Variants in AFF3 observed in about 807,000 individuals in gnomAD.
AFF3 encodes the protein AF4/FMR2 family member 3.
In AFF3, 32 loss-of-function variants were observed where a neutral mutation model predicts 129.7. The ratio of observed to expected loss-of-function variants is 0.25; its 90% CI spans 0.19 to 0.33. AFF3 has a LOEUF of 0.33. Among genes scored for constraint, AFF3 ranks in the 10% least tolerant of loss-of-function variants. The probability of loss-of-function intolerance (pLI) is 1.00; values close to 1 mark genes in which losing one functional copy is unlikely to be tolerated. For missense variants in AFF3, 1,373 were observed against 1,592.0 expected, an observed-to-expected ratio of 0.86 and a Z score of 2.34; for synonymous variants, 644 against 635.4, an observed-to-expected ratio of 1.01 and a Z score of -0.20.
intron 1 of AFF3, among the ~76,000 whole-genome samples, chr2:100,140,599 G>C (rs1692823740): frequency 6.6e-6 from 1 of 152,154 alleles, no homozygotes; most frequent in South Asian, 2.1e-4. Flanking sequence ...AACAAAATGT[G>C]TGTAAAATGC....
chr2:99,996,382 A>AT (rs1252469916), intron 7 of AFF3, among the ~76,000 whole-genome samples: 49 of 152,052 alleles, frequency 3.2e-4, no homozygotes, highest in African/African-American at 1.2e-3. Flanking sequence ...ACCACAGGTG[A>AT]TTTTTTTCTT....
intron 4 of AFF3, among the ~76,000 whole-genome samples, chr2:100,055,510 G>T (rs1686694952): frequency 6.6e-6 from 1 of 151,738 alleles, no homozygotes; most frequent in African/African-American, 2.4e-5. Context: ...AAAATGCCAG[G>T]CTCAACCTCT....
Position 100,039,661 on chromosome 2 carries a change from G to A in AFF3, c.54-30729C>T, listed in dbSNP as rs115613401. On this transcript the variant is annotated intron_variant, in intron 4 of 24. Transcript: ENST00000672756. ...GCGTGGGTCCATATTCTTGATGTCC[G>A]GGCTGGCTCCCTAATGGGTCATGTT... Among the ~76,000 whole-genome samples, 671 of 152,150 alleles carry A rather than the reference G, an allele frequency of 4.4e-3. 6 individuals are homozygous for A. The highest frequency in any genetic ancestry group is 0.013 in the African/African-American group (555 of 41,504).
intron 8 of AFF3, among the ~76,000 whole-genome samples, chr2:99,758,604 G>T (rs1184679140): frequency 2.1e-5 from 2 of 96,818 alleles, no homozygotes; most frequent in African/African-American, 3.5e-5. Flanking sequence ...AAAAAAAAAA[G>T]CTTCATATGC....
chr2:100,053,326 T>A (rs1256815796), intron 4 of AFF3, among the ~76,000 whole-genome samples: 2 of 152,240 alleles, frequency 1.3e-5, no homozygotes, highest in African/African-American at 4.8e-5. Flanking sequence ...CTAATAACTG[T>A]ATTCTTGGTT....
intron 16 of AFF3, among the ~76,000 whole-genome samples, chr2:99,586,924 T>C (rs967736156): frequency 3.3e-5 from 5 of 152,156 alleles, no homozygotes; most frequent in Admixed American, 6.5e-5. Context: ...TGTGTGTAAC[T>C]AGTATCTGGT....
At chr2:99,560,338 C>G (rs1314333634) in intron 21 of AFF3, 27 bp downstream of exon 21, 2 of 1,611,864 alleles carry the variant, frequency 1.2e-6, no homozygotes, top group Non-Finnish European at 1.7e-6. Context: ...GCTGGGGCTG[C>G]TATTCTAAGC....
chr2:99,617,137 C>T (rs369563850), intron 13 of AFF3, among the ~76,000 whole-genome samples: 17 of 152,250 alleles, frequency 1.1e-4, no homozygotes, highest in South Asian at 6.2e-4. Context: ...AAGTTTTGTG[C>T]GAACATACGT....
intron 11 of AFF3, among the ~76,000 whole-genome samples, chr2:99,708,350 T>C (rs62156493): frequency 0.029 from 4,471 of 152,278 alleles, 75 homozygotes; most frequent in African/African-American, 0.036. Context: ...TACCTCATTT[T>C]AGTTTATTTT....
At chr2:99,745,608 C>T (rs759414953) in intron 9 of AFF3, among the ~76,000 whole-genome samples, 1 of 152,088 alleles carries the variant, frequency 6.6e-6, no homozygotes, top group Non-Finnish European at 1.5e-5. Context: ...TTACTGCCAC[C>T]CATTTCCTGT....
intron 11 of AFF3, among the ~76,000 whole-genome samples, chr2:99,711,003 T>C (rs1677839025): frequency 6.6e-6 from 1 of 152,076 alleles, no homozygotes; most frequent in African/African-American, 2.4e-5. Context: ...CCCCCATCAC[T>C]GCACAGAAAT....
At chr2:99,995,612 C>T (rs1488370970) in intron 7 of AFF3, among the ~76,000 whole-genome samples, 1 of 151,962 alleles carries the variant, frequency 6.6e-6, no homozygotes, top group East Asian at 1.9e-4. Context: ...GACCTCATGA[C>T]CCACCCACCT....
rs1048563699 is a variant in AFF3 at position 99,941,150 on chromosome 2, C to T, written c.873+65482G>A. On this transcript the variant is annotated intron_variant, in intron 7 of 24. Transcript: ENST00000672756. ...CACACCAGGAAAAACTAACCCCTGC[C>T]AAGAAGGTGGGTCTGACCAAGGGCC... is the stretch of plus-strand genomic sequence containing the variant. Among the ~76,000 whole-genome samples the T allele has an allele frequency of 2.0e-5, 3 of 152,208 alleles. No homozygotes were observed. In the East Asian group the frequency reaches 5.8e-4, roughly 29 times the overall value.
intron 7 of AFF3, among the ~76,000 whole-genome samples, chr2:99,865,053 C>A (rs1193865523): frequency 6.6e-6 from 1 of 152,226 alleles, no homozygotes; most frequent in Non-Finnish European, 1.5e-5. Context: ...TCTGACAACA[C>A]TGCAACACTC....
At chr2:99,962,502 C>T (rs1291432570) in intron 7 of AFF3, among the ~76,000 whole-genome samples, 1 of 152,102 alleles carries the variant, frequency 6.6e-6, no homozygotes, top group Non-Finnish European at 1.5e-5. Flanking sequence ...AAAAATACTT[C>T]AACAATGAAC....
At position 100,113,139 on chromosome 2, in the gene AFF3, C is replaced by A. The variant is rs193016509; in HGVS notation, c.-144-7556G>T. Among the ~76,000 whole-genome samples the A allele has an allele frequency of 3.5e-4, 54 of 152,248 alleles. 1 individual carries two copies. Among genetic ancestry groups the A allele is most frequent in the Middle Eastern group, 3.4e-3 (1 of 294 alleles). ...TGGGGATACATTCCCAAACCAGGGTCCTGGGGTCAGGCCTCAAGAGGATAA... is the reference window on the plus strand; with the variant it reads ...TGGGGATACATTCCCAAACCAGGGTACTGGGGTCAGGCCTCAAGAGGATAA... On this transcript the variant is annotated intron_variant, in intron 2 of 24. Coordinates refer to ENST00000672756, the MANE Select transcript of AFF3 (RefSeq NM_001386135.1).
intron 15 of AFF3, among the ~76,000 whole-genome samples, chr2:99,588,497 T>A (rs1040617983): frequency 1.3e-5 from 2 of 152,148 alleles, no homozygotes; most frequent in Non-Finnish European, 2.9e-5. Flanking sequence ...TTTAGATATG[T>A]GTTAAGGTGC....
chr2:99,952,509 AT>A (rs1411913118), intron 7 of AFF3, among the ~76,000 whole-genome samples: 1 of 151,978 alleles, frequency 6.6e-6, no homozygotes, highest in Non-Finnish European at 1.5e-5. Context: ...CGCTGCCCCC[AT>A]CATGAAAGCG....
At chr2:99,746,321 G>GT (rs397763165) in intron 9 of AFF3, among the ~76,000 whole-genome samples, 1 of 12,180 alleles carries the variant, frequency 8.2e-5, no homozygotes, top group Non-Finnish European at 3.2e-4. Flanking sequence ...CACGAGTATA[G>GT]CTGTTATGGG....
Sources: gnomAD v4.1 joint callset for allele counts (sites outside exome capture counted in the v4.1 genomes callset) on GRCh38, gnomAD v4.1.1 for gene constraint, MANE v1.5 for transcripts, NCBI Gene and HGNC (gene_info 2026-07-23, HGNC 2026-07-21) for gene names.